Variants in SAMMSON observed in about 807,000 individuals in gnomAD.
SAMMSON encodes the protein long intergenic non-protein coding RNA 1212.
At chr3:70,046,057 A>C (rs2067126193) in intron 3 of SAMMSON, among the ~76,000 whole-genome samples, 1 of 152,104 alleles carries the variant, frequency 6.6e-6, no homozygotes, top group Non-Finnish European at 1.5e-5. Flanking sequence ...TTATGAAAGG[A>C]CACTGTTAGT....
chr3:70,078,975 A>G (rs988136852), intron 4 of SAMMSON, among the ~76,000 whole-genome samples: 1 of 152,368 alleles, frequency 6.6e-6, no homozygotes. Flanking sequence ...TTTTGTAAAT[A>G]TAGTTCAGTT....
chr3:70,382,696 G>T (rs1703082027), intron 9 of SAMMSON, among the ~76,000 whole-genome samples: 1 of 150,828 alleles, frequency 6.6e-6, no homozygotes, highest in African/African-American at 2.4e-5. Context: ...GATTGAGAGT[G>T]TTGTAAAAAT....
chr3:70,349,733 C>A (rs1166414118), intron 7 of SAMMSON, among the ~76,000 whole-genome samples: 1 of 152,056 alleles, frequency 6.6e-6, no homozygotes, highest in Non-Finnish European at 1.5e-5. Flanking sequence ...TATTTCTTCC[C>A]CCTGGCAGGG....
At chr3:70,285,832 G>A (rs1304221059) in intron 6 of SAMMSON, among the ~76,000 whole-genome samples, 1 of 152,100 alleles carries the variant, frequency 6.6e-6, no homozygotes, top group Non-Finnish European at 1.5e-5. Flanking sequence ...TTAATCATGT[G>A]TTTTTTGGCT....
At chr3:70,058,484 A>T (rs963967383) in intron 3 of SAMMSON, among the ~76,000 whole-genome samples, 1 of 152,060 alleles carries the variant, frequency 6.6e-6, no homozygotes, top group Non-Finnish European at 1.5e-5. Context: ...TTTCAGGTTT[A>T]TATACTTTGA....
intron 4 of SAMMSON, among the ~76,000 whole-genome samples, chr3:70,187,234 A>G (rs1175713582): frequency 6.6e-6 from 1 of 152,184 alleles, no homozygotes; most frequent in Non-Finnish European, 1.5e-5. Context: ...ATTTCATTAA[A>G]GGGTGCCTTT....
intron 6 of SAMMSON, among the ~76,000 whole-genome samples, chr3:70,258,132 T>A (rs1197481255): frequency 3.9e-5 from 6 of 152,110 alleles, no homozygotes; most frequent in Non-Finnish European, 5.9e-5. Context: ...GACAAAAAAA[T>A]TAATTTGAAA....
chr3:70,017,592 T>C (rs1322275182), intron 3 of SAMMSON, among the ~76,000 whole-genome samples: 2 of 152,184 alleles, frequency 1.3e-5, no homozygotes, highest in African/African-American at 4.8e-5. Flanking sequence ...TCCTTCCTGA[T>C]TGCCCTGGCC....
At chr3:70,112,267 A>T (rs576501156) in intron 4 of SAMMSON, among the ~76,000 whole-genome samples, 2 of 152,274 alleles carry the variant, frequency 1.3e-5, no homozygotes, top group Admixed American at 6.5e-5. Context: ...GTGTCAGAAG[A>T]CAATGGAATA....
At chr3:70,323,146 C>G (rs1057098811) in intron 7 of SAMMSON, among the ~76,000 whole-genome samples, 2 of 152,070 alleles carry the variant, frequency 1.3e-5, no homozygotes, top group South Asian at 2.1e-4. Context: ...AATTGTGAAT[C>G]TCCTCTAAAA....
At chr3:70,406,087 C>T (rs879370238) in intron 2 of SAMMSON, among the ~76,000 whole-genome samples, 3 of 151,978 alleles carry the variant, frequency 2.0e-5, no homozygotes, top group Non-Finnish European at 4.4e-5. Flanking sequence ...TAAACTAATG[C>T]TTATGTTAAT....
At chr3:70,047,753 G>T (rs969284443) in intron 3 of SAMMSON, among the ~76,000 whole-genome samples, 1 of 152,096 alleles carries the variant, frequency 6.6e-6, no homozygotes, top group Non-Finnish European at 1.5e-5. Flanking sequence ...CAAGATCAAG[G>T]TGCCTGCTTC....
At chr3:70,288,996 G>A (rs983303847) in intron 6 of SAMMSON, among the ~76,000 whole-genome samples, 6 of 152,224 alleles carry the variant, frequency 3.9e-5, no homozygotes. Flanking sequence ...ACACTGATGG[G>A]TCTTAAATCT....
chr3:70,181,623 C>T (rs897392191), intron 4 of SAMMSON, among the ~76,000 whole-genome samples: 1 of 152,176 alleles, frequency 6.6e-6, no homozygotes, highest in Non-Finnish European at 1.5e-5. Flanking sequence ...CATTGTGGGA[C>T]TGTTTATATT....
intron 4 of SAMMSON, among the ~76,000 whole-genome samples, chr3:70,233,130 A>G (rs1701576987): frequency 1.3e-5 from 2 of 152,208 alleles, no homozygotes; most frequent in Admixed American, 1.3e-4. Context: ...CAGAGTTTGC[A>G]GTGAGCCAAG....
intron 7 of SAMMSON, among the ~76,000 whole-genome samples, chr3:70,353,134 C>G (rs1320054147): frequency 2.6e-5 from 4 of 151,652 alleles, no homozygotes; most frequent in Non-Finnish European, 5.9e-5. Flanking sequence ...TAAAACTGGG[C>G]AAAAAATCCT....
chr3:70,175,469 T>C (rs1318943344), intron 4 of SAMMSON, among the ~76,000 whole-genome samples: 1 of 152,072 alleles, frequency 6.6e-6, no homozygotes, highest in South Asian at 2.1e-4. Context: ...ACAGGAAGTA[T>C]AGGATTCACA....
chr3:70,022,426 C>CAAAAAAAAAAA (rs60455629), intron 3 of SAMMSON, among the ~76,000 whole-genome samples: 5 of 91,124 alleles, frequency 5.5e-5, no homozygotes, highest in East Asian at 2.9e-4. Flanking sequence ...AGTATAATAA[C>CAAAAAAAAAAA]AAAAAAAAAA....
In SAMMSON at chr3:70,134,359, C is replaced by CT. The variant is rs71620118; in HGVS notation, n.507+62808dup. On this transcript the variant is annotated intron_variant and non_coding_transcript_variant, in intron 4 of 9. Transcript: ENST00000642114. ...AGTATTCAATAAATGATTTTTTTAA[C>CT]TTTTTTTTTTTTTTAATAAAAAGTA... 5.9e-3 allele frequency among the ~76,000 whole-genome samples: 832 copies of CT among 140,042 alleles called. 7 individuals are homozygous for CT. The highest frequency in any genetic ancestry group is 0.017 in the African/African-American group (645 of 38,580). The allele number at this position is 140,042 out of a possible 152,430, so 91.9% of individuals were successfully genotyped here. A position where few individuals can be genotyped will look rare whatever the true frequency, so the allele number is the denominator to read the frequency against.
Sources: gnomAD v4.1 joint callset for allele counts (sites outside exome capture counted in the v4.1 genomes callset) on GRCh38, gnomAD v4.1.1 for gene constraint, MANE v1.5 for transcripts, NCBI Gene and HGNC (gene_info 2026-07-23, HGNC 2026-07-21) for gene names.